The following ZNF446 variants were observed in gnomAD, a reference collection of about 807,000 sequenced individuals.
ZNF446 encodes zinc finger protein with KRAB and SCAN domains 20.
ZNF446 carries 42 observed loss-of-function variants against 34.0 expected under a neutral mutation model. The ratio of observed to expected loss-of-function variants is 1.23; its 90% CI spans 0.96 to 1.60. ZNF446 has a LOEUF of 1.60. Among genes scored for constraint, ZNF446 ranks in the 40% most tolerant of loss-of-function variants. The pLI is 0.00. For missense variants in ZNF446, 650 were observed against 600.2 expected (o/e 1.08, Z -0.87); for synonymous variants, 315 against 251.0 (o/e 1.25, Z -2.41).
At position 58,478,166 on chromosome 19, in the gene ZNF446, C is replaced by T; in HGVS notation, c.612C>T (p.His204=). ...GHQEPASTSF[H]PPRIQEEWGL... is the part of the protein sequence containing the mutation. ...AAGAACCAGCCTCCACATCCTTCCA[C>T]CCACCCAGGATTCAGGTGAGCAGCC... The change falls in exon 4 of 7, where the codon CAC becomes CAT. Residue 204 remains histidine, a synonymous_variant. Transcript: ENST00000594369. The T allele has an allele frequency of 1.2e-6, 2 of 1,613,972 alleles. No individual in the cohort carries two copies. The highest frequency in any genetic ancestry group is 1.7e-6 in the Non-Finnish European group (2 of 1,179,900).
downstream of ZNF446, among the ~76,000 whole-genome samples, chr19:58,481,848 C>T (rs569078935): frequency 9.9e-5 from 15 of 152,262 alleles, no homozygotes; most frequent in South Asian, 2.1e-4. Flanking sequence ...GGCTGCAGTG[C>T]GGTGGCACAA....
chr19:58,488,640 A>G, the ZNF446 span, among the ~76,000 whole-genome samples: 1 of 151,750 alleles, frequency 6.6e-6, no homozygotes, highest in African/African-American at 2.4e-5. Context: ...TCATGAGGTC[A>G]GGAGATTGAG....
downstream of ZNF446, among the ~76,000 whole-genome samples, chr19:58,485,289 T>C (rs968281033): frequency 6.6e-6 from 1 of 151,146 alleles, no homozygotes; most frequent in African/African-American, 2.4e-5. Flanking sequence ...TCACCTGAGG[T>C]TGGAGTTCAA....
At position 58,477,304 on chromosome 19, in the gene ZNF446, T is replaced by C; in HGVS notation, c.86T>C (p.Phe29Ser). 1 of 1,613,092 alleles carries C rather than the reference T, an allele frequency of 6.2e-7. No homozygotes were observed. The highest frequency in any genetic ancestry group is 8.5e-7 in the Non-Finnish European group (1 of 1,179,910). Reference sequence around the variant, plus strand: ...GAGCCTGAGACTGCCCGCCTCCGCTTCCGAGGGTTCTGCTACCAGGAGGTG... The same window carrying C: ...GAGCCTGAGACTGCCCGCCTCCGCTCCCGAGGGTTCTGCTACCAGGAGGTG... ...LEEPETARLR[F>S]RGFCYQEVAG... The change falls in exon 2 of 7, where the codon TTC (phenylalanine) becomes TCC (serine). Residue 29 changes from phenylalanine to serine, a missense_variant. By Grantham distance (155) the Phe-to-Ser change is radical. Coordinates refer to ENST00000594369, the MANE Select transcript of ZNF446 (RefSeq NM_017908.4).
In ZNF446 at chr19:58,480,222, C is replaced by T. The variant is rs772687563; in HGVS notation, c.849C>T (p.Pro283=). The change falls in exon 7 of 7, where the codon CCC becomes CCT. Residue 283 remains proline, a synonymous_variant. Transcript: ENST00000594369. This position sits in a 1 kb window ranked among gnomAD's most constrained non-coding sequence, Gnocchi z 7.2. ...GPPGCPEAQP[P]QGPGPAAWEG... is the part of the protein sequence containing the mutation. Reference sequence around the variant, plus strand: ...CTGGCTGCCCAGAGGCCCAGCCGCCCCAGGGCCCAGGGCCGGCAGCCTGGG... The same window carrying T: ...CTGGCTGCCCAGAGGCCCAGCCGCCTCAGGGCCCAGGGCCGGCAGCCTGGG... 6 of 1,593,938 alleles carry T rather than the reference C, an allele frequency of 3.8e-6. No individual in the cohort carries two copies. The highest frequency in any genetic ancestry group is 3.3e-5 in the South Asian group (3 of 89,986).
Position 58,477,548 on chromosome 19 carries a change from A to G in ZNF446, c.330A>G (p.Gln110=), listed in dbSNP as rs2053099364. The part of the protein sequence containing the change: ...LVEGLQHDPG[Q]LLGWITAHVL... ...AAGGACTGCAGCATGACCCTGGGCA[A>G]CTGTTGGGCTGGGTGAGTGTGGCTG... Residue 110 remains glutamine, a synonymous_variant, in exon 2 of 7, where the codon CAA becomes CAG. Coordinates refer to ENST00000594369, the MANE Select transcript of ZNF446 (RefSeq NM_017908.4). 6.2e-7 allele frequency: 1 copy of G among 1,612,168 alleles called. No homozygotes were observed. The highest frequency in any genetic ancestry group is 1.3e-5 in the African/African-American group (1 of 75,046).
In ZNF446 at chr19:58,480,947, C is replaced by A. The variant is rs2122451962; in HGVS notation, c.*221C>A. 1 of 613,450 alleles carries A rather than the reference C, an allele frequency of 1.6e-6. No individual in the cohort carries two copies. The allele number at this position is 613,450 out of a possible 1,614,324, so 38.0% of individuals were successfully genotyped here. A position where few individuals can be genotyped will look rare whatever the true frequency, so the allele number is the denominator to read the frequency against. ...TTGCCCCTGCCTCCTAGAGGGAGGT[C>A]TGGGTTCCCTTCTATGGCTGACCAG... On this transcript the variant is annotated 3_prime_UTR_variant, in exon 7 of 7. Transcript: ENST00000594369. The surrounding 1 kb of genome is among the most constrained non-coding windows in gnomAD (Gnocchi z 7.2).
the ZNF446 span, among the ~76,000 whole-genome samples, chr19:58,486,716 T>TG: frequency 2.8e-5 from 3 of 107,704 alleles, no homozygotes; most frequent in Non-Finnish European, 5.7e-5. Context: ...GCTTTTTTTT[T>TG]TGGGGGGGGG....
rs2053124762 is a variant in ZNF446 at position 58,480,084 on chromosome 19, C to T, written c.802+65C>T. 1.3e-6 allele frequency: 2 copies of T among 1,556,720 alleles called. No homozygotes were observed. The highest frequency in any genetic ancestry group is 8.6e-7 in the Non-Finnish European group (1 of 1,156,488). On this transcript the variant is annotated intron_variant, in intron 6 of 6. Transcript: ENST00000594369. This position sits in a 1 kb window ranked among gnomAD's most constrained non-coding sequence, Gnocchi z 7.2. ...GTATCGGTGGGACCTGAGCCACCCA[C>T]TCATGGGGGGACGGGAGCTTGTGCC...
rs756304563 is a variant in ZNF446, at chr19:58,479,941, C to T, written c.724C>T (p.His242Tyr). The T allele has an allele frequency of 6.3e-7, 1 of 1,581,572 alleles. No homozygotes were observed. The highest frequency in any genetic ancestry group is 8.6e-7 in the Non-Finnish European group (1 of 1,166,742). Residue 242 changes from histidine to tyrosine, a missense_variant, in exon 6 of 7, where the codon CAC (histidine) becomes TAC (tyrosine). Transcript: ENST00000594369. ...CCCCACCCGGGCAGGGTTACCGCCC[C>T]ACCAGCCAGAGGCACAGGCCCAGTC... ...GTVVSLGLPP[H>Y]QPEAQAQSEL...
Position 58,479,926 on chromosome 19 carries a change from G to T in ZNF446, c.713-4G>T. 7 of 1,568,728 alleles carry T rather than the reference G, an allele frequency of 4.5e-6. No individual in the cohort carries two copies. Among genetic ancestry groups the T allele is most frequent in the Non-Finnish European group, 4.3e-6 (5 of 1,160,232 alleles). Reference sequence around the variant, plus strand: ...ATGCCTAACTGTGCCCCCCACCCGGGCAGGGTTACCGCCCCACCAGCCAGA... The same window carrying T: ...ATGCCTAACTGTGCCCCCCACCCGGTCAGGGTTACCGCCCCACCAGCCAGA... On this transcript the variant is annotated splice_region_variant and splice_polypyrimidine_tract_variant and intron_variant, in intron 5 of 6. Transcript: ENST00000594369.
chr19:58,480,533 G>A lies in ZNF446; in HGVS notation c.1160G>A (p.Arg387His), dbSNP rs882610. 440,247 of 1,611,864 alleles carry A rather than the reference G, an allele frequency of 0.27. 61,936 individuals carry two copies. Among genetic ancestry groups the A allele is most frequent in the African/African-American group, 0.43 (31,891 of 74,902 alleles). Residue 387 changes from arginine to histidine, a missense_variant, in exon 7 of 7, where the codon CGC (arginine) becomes CAC (histidine). Physicochemically the swap from Arg to His is conservative, Grantham distance 29 (BLOSUM62 0). Coordinates refer to ENST00000594369, the MANE Select transcript of ZNF446 (RefSeq NM_017908.4). The surrounding 1 kb of genome is among the most constrained non-coding windows in gnomAD (Gnocchi z 7.2). ...GTGGCCTTTCCGCACCACCCCCGAC[G>A]CTCACTCACAGGCCCCCGGAGTTAC... ...GEVAFPHHPR[R>H]SLTGPRSYPC...
At position 58,478,025 on chromosome 19, in the gene ZNF446, C is replaced by T. The variant is rs1368101787; in HGVS notation, c.533-62C>T. Reference sequence around the variant, plus strand: ...CATGTCACACAGCAGAGGAGCTCCTCATCTGCCATGGCTCATGTGGGCAGC... The same window carrying T: ...CATGTCACACAGCAGAGGAGCTCCTTATCTGCCATGGCTCATGTGGGCAGC... On this transcript the variant is annotated intron_variant, in intron 3 of 6. Coordinates refer to ENST00000594369, the MANE Select transcript of ZNF446 (RefSeq NM_017908.4). 38 of 1,478,936 alleles carry T rather than the reference C, an allele frequency of 2.6e-5. No individual in the cohort carries two copies. In the East Asian group the frequency reaches 8.2e-4, roughly 32 times the overall value. 91.6% of individuals were successfully genotyped at this position (1,478,936 alleles called of 1,614,324 possible).
At chr19:58,485,646 A>T (rs2053165089), downstream of ZNF446, among the ~76,000 whole-genome samples, 1 of 152,244 alleles carries the variant, frequency 6.6e-6, no homozygotes, top group South Asian at 2.1e-4. Flanking sequence ...TGAATATTGG[A>T]GAAAACTGAA....
chr19:58,483,228 C>T (rs575125572), downstream of ZNF446, among the ~76,000 whole-genome samples: 1 of 151,928 alleles, frequency 6.6e-6, no homozygotes, highest in Admixed American at 6.5e-5. Context: ...TGTGGTGGCT[C>T]ATGCCTATAT....
chr19:58,487,319 G>A, the ZNF446 span, among the ~76,000 whole-genome samples: 1 of 152,136 alleles, frequency 6.6e-6, no homozygotes, highest in Non-Finnish European at 1.5e-5. Context: ...TGAAACCATA[G>A]GTCACTGCAA....
Position 58,478,143 on chromosome 19 carries a change from G to T in ZNF446, c.589G>T (p.Glu197Ter). The change falls in exon 4 of 7, where the codon GAA becomes TAA. Residue 197 changes from glutamate to a stop codon, truncating the protein, a stop_gained. Transcript: ENST00000594369. LOFTEE classifies it high-confidence loss of function. ...QSPEGNHGHQ[E>*]PASTSFHPPR... Reference sequence around the variant, plus strand: ...CCCTGAGGGGAACCATGGACACCAAGAACCAGCCTCCACATCCTTCCACCC... The same window carrying T: ...CCCTGAGGGGAACCATGGACACCAATAACCAGCCTCCACATCCTTCCACCC... 1 of 1,614,096 alleles carries T rather than the reference G, an allele frequency of 6.2e-7. No individual in the cohort carries two copies.
At position 58,478,197 on chromosome 19, in the gene ZNF446, T is replaced by G; in HGVS notation, c.627+16T>G. ...CAGGATTCAGGTGAGCAGCCCCAAG[T>G]GGGAAGTATAGGCCCCAGGTGTGAG... On this transcript the variant is annotated intron_variant, in intron 4 of 6. Transcript: ENST00000594369. The G allele has an allele frequency of 6.2e-7, 1 of 1,611,730 alleles. No individual in the cohort carries two copies. Among genetic ancestry groups the G allele is most frequent in the Non-Finnish European group, 8.5e-7 (1 of 1,178,624 alleles).
downstream of ZNF446, among the ~76,000 whole-genome samples, chr19:58,484,779 C>A (rs144953497): frequency 6.6e-6 from 1 of 152,006 alleles, no homozygotes; most frequent in Admixed American, 6.6e-5. Context: ...ACATTTCAGC[C>A]GGGTGCAGTG....
Sources: allele counts gnomAD v4.1 joint callset (sites outside exome capture counted in the v4.1 genomes callset), GRCh38; gene constraint gnomAD v4.1.1; non-coding constraint Gnocchi (gnomAD v3.1); transcripts MANE v1.5; gene names NCBI Gene and HGNC (gene_info 2026-07-23, HGNC 2026-07-21).